The following AVL9 variants were observed in gnomAD, a reference collection of about 807,000 sequenced individuals.
AVL9 encodes the protein late secretory pathway protein AVL9 homolog.
Under a neutral mutation model 79.2 loss-of-function variants are expected in AVL9, and 49 were observed. The observed-to-expected ratio is 0.62, with a 90% CI of 0.49 to 0.79. The LOEUF (loss-of-function observed/expected upper bound fraction) is 0.79, where lower values mean the gene tolerates loss of function less well. AVL9 is among the 30% of genes least tolerant of loss of function. The pLI, the probability that AVL9 is intolerant of heterozygous loss-of-function variation, is 0.00. For missense variants in AVL9, 682 were observed against 776.8 expected (o/e 0.88, Z 1.45); for synonymous variants, 299 against 280.6 (o/e 1.07, Z -0.65).
intron 7 of AVL9, among the ~76,000 whole-genome samples, chr7:32,554,287 G>A (rs967619974): frequency 6.6e-6 from 1 of 152,152 alleles, no homozygotes; most frequent in Admixed American, 6.5e-5. Context: ...TTAAAGAGCA[G>A]GGTCCCCTTT....
intron 1 of AVL9, among the ~76,000 whole-genome samples, chr7:32,520,641 G>T (rs6945745): frequency 0.71 from 108,471 of 152,022 alleles, 38,823 homozygotes; most frequent in South Asian, 0.85. Context: ...ACCTTTTTGA[G>T]GACTGGGATA....
At chr7:32,526,722 T>A (rs1001943826) in intron 1 of AVL9, among the ~76,000 whole-genome samples, 2 of 151,974 alleles carry the variant, frequency 1.3e-5, no homozygotes, top group Non-Finnish European at 2.9e-5. Flanking sequence ...AAAGAGACAT[T>A]TTTTCAAAAG....
At chr7:32,553,498 A>G (rs1789925037) in intron 6 of AVL9, among the ~76,000 whole-genome samples, 1 of 152,178 alleles carries the variant, frequency 6.6e-6, no homozygotes, top group Non-Finnish European at 1.5e-5. Flanking sequence ...TGGCTACTGT[A>G]TTGGACAAGA....
intron 12 of AVL9, among the ~76,000 whole-genome samples, chr7:32,575,155 G>C (rs563510046): frequency 6.6e-6 from 1 of 152,072 alleles, no homozygotes; most frequent in African/African-American, 2.4e-5. Flanking sequence ...CTGGAGTGCT[G>C]TGGCATGATG....
intron 14 of AVL9, 135 bp downstream of exon 14, chr7:32,580,407 T>G (rs187799910): frequency 7.2e-6 from 5 of 692,504 alleles, no homozygotes; most frequent in Non-Finnish European, 1.2e-5. Flanking sequence ...GTGCATAACA[T>G]TCTTTAGCTC....
chr7:32,543,727 C>T (rs1401015574), intron 2 of AVL9, among the ~76,000 whole-genome samples: 1 of 152,200 alleles, frequency 6.6e-6, no homozygotes, highest in African/African-American at 2.4e-5. Flanking sequence ...TGCTTGCTTG[C>T]ATGCGGAGCA....
chr7:32,554,713 A>G (rs1789984161), intron 8 of AVL9, 117 bp downstream of exon 8: 2 of 625,910 alleles, frequency 3.2e-6, no homozygotes, highest in South Asian at 8.7e-5. Flanking sequence ...TTTGCCTATC[A>G]TTGTGGTAAG....
At chr7:32,572,052 C>T (rs576241587) in intron 11 of AVL9, among the ~76,000 whole-genome samples, 7 of 151,806 alleles carry the variant, frequency 4.6e-5, no homozygotes, top group East Asian at 1.9e-4. Context: ...ATCCCAGCTA[C>T]GCGGGAGGCT....
intron 1 of AVL9, among the ~76,000 whole-genome samples, chr7:32,531,441 A>G (rs1295337519): frequency 0.024 from 13 of 542 alleles, no homozygotes; most frequent in Admixed American, 0.16. Flanking sequence ...ATAACGTTCC[A>G]ATGACTTTAA....
At position 32,586,873 on chromosome 7, in the gene AVL9, G is replaced by T. The variant is rs1462939970; in HGVS notation, c.*2966G>T. ...AAGGAAGAGAGAGTTAAAACTACCAGTTGTGGAATAGAAATAGTTGCATGT... is the reference window on the plus strand; with the variant it reads ...AAGGAAGAGAGAGTTAAAACTACCATTTGTGGAATAGAAATAGTTGCATGT... On this transcript the variant is annotated 3_prime_UTR_variant, in exon 16 of 16. Transcript: ENST00000318709. The T allele has an allele frequency of 2.0e-5, 3 of 152,234 alleles. No homozygotes were observed. Among genetic ancestry groups the T allele is most frequent in the African/African-American group, 7.2e-5 (3 of 41,444 alleles). 9.4% of individuals were successfully genotyped at this position (152,234 alleles called of 1,614,324 possible).
rs6976874 is a variant in AVL9 at position 32,495,895 on chromosome 7, G to A, written c.93+93G>A. ...TGCTTCTGTGTGCTCAGCTCGCGTC[G>A]TGCAGTCCTCCCCACAGCGCCTGCG... On this transcript the variant is annotated intron_variant, in intron 1 of 15. Coordinates refer to ENST00000318709, the MANE Select transcript of AVL9 (RefSeq NM_015060.3). 1.1e-3 allele frequency: 874 copies of A among 812,152 alleles called. 7 individuals are homozygous for A. The African/African-American group carries it at 0.014, about 13-fold the overall frequency. The allele number at this position is 812,152 out of a possible 1,614,324, so 50.3% of individuals were successfully genotyped here. A position where few individuals can be genotyped will look rare whatever the true frequency, so the allele number is the denominator to read the frequency against.
At chr7:32,497,884 C>T (rs1231110467) in intron 1 of AVL9, among the ~76,000 whole-genome samples, 1 of 152,164 alleles carries the variant, frequency 6.6e-6, no homozygotes, top group Non-Finnish European at 1.5e-5. Flanking sequence ...ATCTCCTTAC[C>T]TCGTGATCCG....
In AVL9 at chr7:32,586,922, T is replaced by G. The variant is rs1791819619; in HGVS notation, c.*3015T>G. On this transcript the variant is annotated 3_prime_UTR_variant, in exon 16 of 16. Coordinates refer to ENST00000318709, the MANE Select transcript of AVL9 (RefSeq NM_015060.3). The stretch of plus-strand genomic sequence containing the variant: ...GTCCAAAGAAGGCTTAGAATGATTG[T>G]GCATATGCAGTTGGCTCACATAACC... 6.6e-6 allele frequency: 1 copy of G among 152,246 alleles called. No individual in the cohort carries two copies. Among genetic ancestry groups the G allele is most frequent in the Non-Finnish European group, 1.5e-5 (1 of 68,076 alleles). 9.4% of individuals were successfully genotyped at this position (152,246 alleles called of 1,614,324 possible).
At chr7:32,496,156 G>A (rs1190549445) in intron 1 of AVL9, among the ~76,000 whole-genome samples, 2 of 152,234 alleles carry the variant, frequency 1.3e-5, no homozygotes, top group Non-Finnish European at 2.9e-5. Context: ...CTTTCTGGGT[G>A]TCCACCTATA....
intron 11 of AVL9, among the ~76,000 whole-genome samples, chr7:32,570,368 GCTA>G (rs1790775107): frequency 6.6e-6 from 1 of 152,072 alleles, no homozygotes. Flanking sequence ...ACCTGCAGAG[GCTA>G]AGTAACAGAG....
At chr7:32,546,451 A>G (rs28428493) in intron 3 of AVL9, among the ~76,000 whole-genome samples, 1 of 151,938 alleles carries the variant, frequency 6.6e-6, no homozygotes, top group Non-Finnish European at 1.5e-5. Context: ...AAAGCTAAAG[A>G]TATTATGTCA....
chr7:32,508,434 TG>T (rs1787509621), intron 1 of AVL9, among the ~76,000 whole-genome samples: 1 of 130,950 alleles, frequency 7.6e-6, no homozygotes, highest in Admixed American at 7.8e-5. Flanking sequence ...TTTAATATTG[TG>T]TTTTTTAACT....
intron 15 of AVL9, among the ~76,000 whole-genome samples, chr7:32,582,979 TG>T (rs1411216355): frequency 6.6e-6 from 1 of 152,186 alleles, no homozygotes; most frequent in Non-Finnish European, 1.5e-5. Context: ...CCACCATGCC[TG>T]GCCTAACATC....
intron 12 of AVL9, among the ~76,000 whole-genome samples, chr7:32,573,736 TATC>T (rs1661823192): frequency 6.6e-6 from 1 of 152,228 alleles, no homozygotes; most frequent in South Asian, 2.1e-4. Context: ...CATGAACATA[TATC>T]ATCACTTTTA....
Sources: allele counts gnomAD v4.1 joint callset (sites outside exome capture counted in the v4.1 genomes callset), GRCh38; gene constraint gnomAD v4.1.1; transcripts MANE v1.5; gene names NCBI Gene and HGNC (gene_info 2026-07-23, HGNC 2026-07-21).